Variants in PAPPA2 observed in about 807,000 individuals in gnomAD.
PAPPA2 encodes pappalysin-2.
Under a neutral mutation model 176.4 loss-of-function variants are expected in PAPPA2, and 86 were observed. That is an observed-to-expected ratio of 0.49 (90% confidence interval 0.41 to 0.58). The LOEUF (loss-of-function observed/expected upper bound fraction) is 0.58. Ranked by LOEUF, PAPPA2 falls within the 20% of genes least tolerant of loss-of-function variation. PAPPA2 has a pLI of 0.00. For synonymous variants in PAPPA2, 809 were observed against 852.2 expected (o/e 0.95, Z 0.88); for missense variants, 2,073 against 2,256.9 (o/e 0.92, Z 1.65).
intron 17 of PAPPA2, among the ~76,000 whole-genome samples, chr1:176,771,983 T>C (rs1204255246): frequency 6.6e-6 from 1 of 152,186 alleles, no homozygotes. Context: ...CTTATCCTTT[T>C]AAGTTTAGAA....
In PAPPA2 at chr1:176,511,752, A is replaced by G. The variant is rs545601410; in HGVS notation, c.-916-43655A>G. Among the ~76,000 whole-genome samples, 5 of 152,234 alleles carry G rather than the reference A, an allele frequency of 3.3e-5. No individual in the cohort carries two copies. The East Asian group carries it at 9.6e-4, about 29-fold the overall frequency. ...TTTGCTCTCTCTGCTTTAGCTTGGC[A>G]TATCCAATTTTTCCGGGCTTCTGAC... On this transcript the variant is annotated intron_variant, in intron 1 of 22. Coordinates refer to ENST00000367662, the MANE Select transcript of PAPPA2 (RefSeq NM_020318.3).
intron 16 of PAPPA2, 63 bp downstream of exon 16, chr1:176,769,847 C>CT (rs1223093071): frequency 2.7e-6 from 4 of 1,461,844 alleles, no homozygotes; most frequent in Non-Finnish European, 3.7e-6. Context: ...CTTGAGGGTA[C>CT]TTTGGGACTC....
chr1:176,520,635 A>G (rs150135207), intron 1 of PAPPA2, among the ~76,000 whole-genome samples: 9 of 152,334 alleles, frequency 5.9e-5, no homozygotes, highest in Non-Finnish European at 1.0e-4. Flanking sequence ...ATGACATAAA[A>G]GTTTCAAGAA....
intron 14 of PAPPA2, among the ~76,000 whole-genome samples, chr1:176,757,429 G>T (rs1199662930): frequency 1.3e-5 from 2 of 152,130 alleles, no homozygotes; most frequent in African/African-American, 4.8e-5. Context: ...TCTCATTGTG[G>T]TTTTGATTTG....
At chr1:176,806,549 A>G (rs1158036728) in intron 21 of PAPPA2, among the ~76,000 whole-genome samples, 1 of 152,214 alleles carries the variant, frequency 6.6e-6, no homozygotes, top group Non-Finnish European at 1.5e-5. Flanking sequence ...AACCTCAGTG[A>G]AAGTGGCATG....
intron 2 of PAPPA2, among the ~76,000 whole-genome samples, chr1:176,585,370 A>G (rs1330391435): frequency 6.6e-6 from 1 of 152,098 alleles, no homozygotes; most frequent in Non-Finnish European, 1.5e-5. Flanking sequence ...AATTAGGCTA[A>G]TGGGTATTCC....
At chr1:176,648,709 G>A (rs1291547918) in intron 3 of PAPPA2, among the ~76,000 whole-genome samples, 1 of 151,288 alleles carries the variant, frequency 6.6e-6, no homozygotes, top group Admixed American at 6.6e-5. Flanking sequence ...TTTTGTTCTT[G>A]GTTATGTTAA....
chr1:176,680,895 G>T (rs779871211), intron 4 of PAPPA2, among the ~76,000 whole-genome samples: 1 of 152,160 alleles, frequency 6.6e-6, no homozygotes, highest in African/African-American at 2.4e-5. Context: ...AGCTGTAAGT[G>T]CTAAGAAACT....
At chr1:176,475,558 T>A (rs936482519) in intron 1 of PAPPA2, among the ~76,000 whole-genome samples, 3 of 152,202 alleles carry the variant, frequency 2.0e-5, no homozygotes, top group Non-Finnish European at 4.4e-5. Context: ...CTACAGATGT[T>A]TTTGTCCTTA....
rs149836543 is a variant in PAPPA2, at chr1:176,779,919, C to T, written c.4715+8739C>T. On this transcript the variant is annotated intron_variant, in intron 17 of 22. Transcript: ENST00000367662. ...TCCGATTCTCCCTTTTCAGTCAGGG[C>T]AACGTAAATGCTAATCAGCTCTTTT... 1.1e-3 allele frequency among the ~76,000 whole-genome samples: 167 copies of T among 152,278 alleles called. 1 individual carries two copies. The highest frequency in any genetic ancestry group is 2.1e-3 in the Non-Finnish European group (140 of 68,028).
At chr1:176,507,450 G>T (rs1224849336) in intron 1 of PAPPA2, among the ~76,000 whole-genome samples, 1 of 152,070 alleles carries the variant, frequency 6.6e-6, no homozygotes, top group Admixed American at 6.6e-5. Flanking sequence ...ATACCTAAAG[G>T]AAAATAGATC....
intron 3 of PAPPA2, among the ~76,000 whole-genome samples, chr1:176,597,062 G>A (rs1654024588): frequency 6.6e-6 from 1 of 152,158 alleles, no homozygotes; most frequent in Admixed American, 6.5e-5. Flanking sequence ...CCCTGTGTGT[G>A]GGGAGTCCTC....
chr1:176,700,621 C>T (rs1660608067), intron 8 of PAPPA2, among the ~76,000 whole-genome samples: 1 of 152,166 alleles, frequency 6.6e-6, no homozygotes, highest in African/African-American at 2.4e-5. Flanking sequence ...GAAGGGTTTC[C>T]AGCAGCAGAG....
intron 3 of PAPPA2, among the ~76,000 whole-genome samples, chr1:176,657,347 T>C (rs1354651559): frequency 6.6e-6 from 1 of 151,888 alleles, no homozygotes; most frequent in East Asian, 1.9e-4. Flanking sequence ...AGTAGAAAGA[T>C]TGATGCTAGA....
chr1:176,770,346 T>G (rs1157245862), intron 16 of PAPPA2, among the ~76,000 whole-genome samples: 1 of 152,176 alleles, frequency 6.6e-6, no homozygotes, highest in Non-Finnish European at 1.5e-5. Context: ...TGGTGAATAG[T>G]CCATGGACTG....
At chr1:176,741,177 G>A (rs558727187) in intron 14 of PAPPA2, among the ~76,000 whole-genome samples, 32 of 152,154 alleles carry the variant, frequency 2.1e-4, no homozygotes, top group Non-Finnish European at 4.1e-4. Context: ...TCTGGATACA[G>A]CTTCGCCAGG....
intron 14 of PAPPA2, among the ~76,000 whole-genome samples, chr1:176,744,472 A>C (rs1340355634): frequency 2.0e-5 from 3 of 152,182 alleles, no homozygotes; most frequent in Non-Finnish European, 4.4e-5. Flanking sequence ...TTTAGGACTC[A>C]GTAGCATTTT....
intron 21 of PAPPA2, among the ~76,000 whole-genome samples, chr1:176,826,840 A>G (rs1167350197): frequency 6.6e-6 from 1 of 152,360 alleles, no homozygotes; most frequent in East Asian, 1.9e-4. Context: ...GTTTACATAT[A>G]CAGGAAAAAG....
chr1:176,760,523 A>G (rs1252648731), intron 14 of PAPPA2, among the ~76,000 whole-genome samples: 4 of 152,206 alleles, frequency 2.6e-5, no homozygotes, highest in African/African-American at 9.6e-5. Flanking sequence ...CAAAATTTTC[A>G]GGGGATAAAG....
Sources: gnomAD v4.1 joint callset for allele counts (sites outside exome capture counted in the v4.1 genomes callset) on GRCh38, gnomAD v4.1.1 for gene constraint, MANE v1.5 for transcripts, NCBI Gene and HGNC (gene_info 2026-07-23, HGNC 2026-07-21) for gene names.